EXOC4: variants seen among roughly 807,000 people sequenced by gnomAD.
EXOC4 encodes exocyst complex component 4.
In EXOC4, 71 loss-of-function variants were observed where a neutral mutation model predicts 107.2. The observed-to-expected ratio is 0.66, with a 90% CI of 0.55 to 0.81. The LOEUF (loss-of-function observed/expected upper bound fraction) is 0.81, where lower values mean the gene tolerates loss of function less well. Ranked by LOEUF, EXOC4 falls within the 30% of genes least tolerant of loss-of-function variation. The probability of loss-of-function intolerance (pLI) is 0.00; values close to 1 mark genes in which losing one functional copy is unlikely to be tolerated. For missense variants in EXOC4, 1,108 were observed against 1,189.6 expected (o/e 0.93, Z 1.01); for synonymous variants, 456 against 441.2 (o/e 1.03, Z -0.42).
chr7:133,264,639 ATTTCT>A (rs930695816), intron 1 of EXOC4, among the ~76,000 whole-genome samples: 4 of 152,074 alleles, frequency 2.6e-5, no homozygotes, highest in African/African-American at 9.7e-5. Flanking sequence ...CATCTTGGAC[ATTTCT>A]TTAATGTGTA....
chr7:133,296,280 A>G (rs956588952), intron 3 of EXOC4, among the ~76,000 whole-genome samples: 1 of 152,118 alleles, frequency 6.6e-6, no homozygotes, highest in African/African-American at 2.4e-5. Context: ...CAGATGGTGA[A>G]CAAATAGTGT....
chr7:133,436,048 G>GT (rs5887624), intron 7 of EXOC4, among the ~76,000 whole-genome samples: 104,958 of 142,626 alleles, frequency 0.74, 39,167 homozygotes, highest in East Asian at 0.92. Flanking sequence ...TTATCTCAGT[G>GT]TTTTTTTTTT....
chr7:133,882,552 C>G lies in EXOC4; in HGVS notation c.1735-13047C>G, dbSNP rs141579536. Among the ~76,000 whole-genome samples the G allele has an allele frequency of 2.0e-5, 3 of 152,246 alleles. No individual in the cohort carries two copies. The East Asian group carries it at 5.8e-4, about 29-fold the overall frequency. ...ATTATAAGTATGCTAAATGTTGTAA[C>G]AAAGAAATAGAAGATGTTCTAGGTG... On this transcript the variant is annotated intron_variant, in intron 11 of 17. Transcript: ENST00000253861.
At chr7:133,771,721 C>G (rs1238654669) in intron 10 of EXOC4, among the ~76,000 whole-genome samples, 1 of 151,748 alleles carries the variant, frequency 6.6e-6, no homozygotes, top group East Asian at 1.9e-4. Flanking sequence ...TACAGTCGCT[C>G]TTTATTGAGA....
intron 10 of EXOC4, among the ~76,000 whole-genome samples, chr7:133,714,171 A>C (rs1794953062): frequency 6.6e-6 from 1 of 152,196 alleles, no homozygotes; most frequent in South Asian, 2.1e-4. Flanking sequence ...TAAAGGGAAG[A>C]TAACCTGAGG....
intron 10 of EXOC4, among the ~76,000 whole-genome samples, chr7:133,787,363 G>A (rs1001644799): frequency 1.3e-5 from 1 of 78,942 alleles, no homozygotes; most frequent in South Asian, 6.4e-4. Context: ...GTGTGTGTGT[G>A]TGTGTGTGTG....
downstream of EXOC4, among the ~76,000 whole-genome samples, chr7:134,071,257 C>T (rs2116669450): frequency 6.6e-6 from 1 of 152,266 alleles, no homozygotes; most frequent in East Asian, 1.9e-4. Flanking sequence ...CCAGCTCTGC[C>T]CAACACCAGA....
chr7:133,301,648 G>A (rs1254180320), intron 3 of EXOC4, among the ~76,000 whole-genome samples: 1 of 152,110 alleles, frequency 6.6e-6, no homozygotes, highest in Admixed American at 6.6e-5. Context: ...GCTACCAGAT[G>A]GTTTAGTTAT....
chr7:134,035,060 T>G (rs1437128800), intron 17 of EXOC4, among the ~76,000 whole-genome samples: 2 of 150,354 alleles, frequency 1.3e-5, no homozygotes, highest in South Asian at 2.1e-4. Flanking sequence ...TTTTTTTTTT[T>G]TTTGAGACAG....
chr7:133,846,914 A>T (rs556797515), intron 11 of EXOC4, among the ~76,000 whole-genome samples: 1 of 152,242 alleles, frequency 6.6e-6, no homozygotes. Context: ...ATACTTTTGT[A>T]TGTATTTGTA....
At chr7:133,417,971 A>G (rs1797517197) in intron 7 of EXOC4, among the ~76,000 whole-genome samples, 1 of 152,158 alleles carries the variant, frequency 6.6e-6, no homozygotes, top group Non-Finnish European at 1.5e-5. Flanking sequence ...TAATAACTAA[A>G]TGTCTCTTCC....
intron 3 of EXOC4, among the ~76,000 whole-genome samples, chr7:133,303,034 G>A (rs1306649716): frequency 1.3e-5 from 2 of 152,172 alleles, no homozygotes; most frequent in Admixed American, 1.3e-4. Context: ...TACCTCCCCA[G>A]TACAACAGAA....
chr7:134,011,120 G>C (rs1794752781), intron 17 of EXOC4, among the ~76,000 whole-genome samples: 1 of 151,184 alleles, frequency 6.6e-6, no homozygotes, highest in African/African-American at 2.4e-5. Context: ...GTGTAGATGA[G>C]TTAGAAGGTG....
chr7:133,704,459 C>T (rs1794726700), intron 10 of EXOC4, among the ~76,000 whole-genome samples: 1 of 152,206 alleles, frequency 6.6e-6, no homozygotes, highest in African/African-American at 2.4e-5. Context: ...TATAGAGAAA[C>T]ATAAATGCTT....
intron 9 of EXOC4, among the ~76,000 whole-genome samples, chr7:133,567,968 C>T (rs1381126699): frequency 6.6e-6 from 1 of 152,142 alleles, no homozygotes. Flanking sequence ...CATAGCATTG[C>T]CATACTGCCC....
At position 133,857,189 on chromosome 7, in the gene EXOC4, TA is replaced by T. The variant is rs1563029935; in HGVS notation, c.1735-38409del. Among the ~76,000 whole-genome samples the T allele has an allele frequency of 3.1e-3, 140 of 45,678 alleles. 9 individuals are homozygous for T. Among genetic ancestry groups the T allele is most frequent in the South Asian group, 5.4e-3 (10 of 1,852 alleles). 30.0% of individuals were successfully genotyped at this position (45,678 alleles called of 152,430 possible). A position where few individuals can be genotyped will look rare whatever the true frequency, so the allele number is the denominator to read the frequency against. Reference sequence around the variant, plus strand: ...ATATATATATATATATATATATATATATATATATATATTTTACCTCTACTTA... The same window carrying T: ...ATATATATATATATATATATATATATTATATATATATTTTACCTCTACTTA... On this transcript the variant is annotated intron_variant, in intron 11 of 17. Coordinates refer to ENST00000253861, the MANE Select transcript of EXOC4 (RefSeq NM_021807.4).
intron 17 of EXOC4, among the ~76,000 whole-genome samples, chr7:134,030,863 G>A (rs189894789): frequency 6.6e-6 from 1 of 152,090 alleles, no homozygotes; most frequent in African/African-American, 2.4e-5. Flanking sequence ...ATTTTCTTTT[G>A]AAGCTTTTGC....
At chr7:133,537,547 C>A (rs1800296898) in intron 9 of EXOC4, among the ~76,000 whole-genome samples, 1 of 152,136 alleles carries the variant, frequency 6.6e-6, no homozygotes, top group Non-Finnish European at 1.5e-5. Flanking sequence ...ACCACCTGTA[C>A]TCTATTTTGT....
At chr7:133,502,972 CCT>C (rs1318000237) in intron 9 of EXOC4, among the ~76,000 whole-genome samples, 33 of 152,074 alleles carry the variant, frequency 2.2e-4, no homozygotes, top group Admixed American at 9.2e-4. Context: ...TCTTCATTGC[CCT>C]GTTTTCATAT....
Sources: gnomAD v4.1 joint callset for allele counts (sites outside exome capture counted in the v4.1 genomes callset) on GRCh38, gnomAD v4.1.1 for gene constraint, MANE v1.5 for transcripts, NCBI Gene and HGNC (gene_info 2026-07-23, HGNC 2026-07-21) for gene names.